The following SHF variants were observed in gnomAD, a reference collection of about 807,000 sequenced individuals.
SHF encodes the protein Src homology 2 domain containing F, also known as SH2 domain-containing adapter protein F.
SHF carries 30 observed loss-of-function variants against 42.4 expected under a neutral mutation model. The ratio of observed to expected loss-of-function variants is 0.71; its 90% CI spans 0.53 to 0.96. SHF has a LOEUF of 0.96. Ranked by LOEUF, SHF falls within the 40% of genes least tolerant of loss-of-function variation. The pLI is 0.00. For synonymous variants in SHF, 264 were observed against 269.9 expected, an observed-to-expected ratio of 0.98 and a Z score of 0.21; for missense variants, 598 against 634.0, an observed-to-expected ratio of 0.94 and a Z score of 0.61.
chr15:45,193,563 T>A (rs1372116140), intron 2 of SHF, among the ~76,000 whole-genome samples: 1 of 152,210 alleles, frequency 6.6e-6, no homozygotes, highest in Non-Finnish European at 1.5e-5. Flanking sequence ...CAATCAGATA[T>A]GCATTTGTCT....
Position 45,172,076 on chromosome 15 carries a change from C to A in SHF, c.1160+71G>T, listed in dbSNP as rs1183056597. 3.1e-6 allele frequency: 5 copies of A among 1,613,722 alleles called. No individual in the cohort carries two copies. The Admixed American group carries it at 8.3e-5, about 27-fold the overall frequency. On this transcript the variant is annotated intron_variant, in intron 5 of 6. Transcript: ENST00000690270. ...GTCCAGGCCCACCCATTGTGGGTGT[C>A]CCCTGTAGGGAAGCCAGTGCCAGGA... is the stretch of plus-strand genomic sequence containing the variant.
intron 3 of SHF, 86 bp downstream of exon 3, chr15:45,175,132 GT>G (rs1897730418): frequency 9.9e-6 from 14 of 1,408,820 alleles, no homozygotes; most frequent in Non-Finnish European, 1.2e-5. Flanking sequence ...GCCTCTCTGG[GT>G]TCCTGGGGTC....
intron 6 of SHF, chr15:45,170,366 C>G: frequency 4.7e-6 from 6 of 1,286,714 alleles, no homozygotes; most frequent in Non-Finnish European, 6.1e-6. Flanking sequence ...GCTCCATGAA[C>G]TTTATAATTT....
chr15:45,174,149 T>G (rs1897670032), intron 3 of SHF: 1 of 196,136 alleles, frequency 5.1e-6, no homozygotes, highest in South Asian at 8.4e-5. Context: ...CCCCACAGCC[T>G]GGGAACTCGC....
At chr15:45,200,909 G>T (rs566967793) in exon 1 of SHF, 1 of 453,910 alleles carries the variant, frequency 2.2e-6, no homozygotes, top group South Asian at 1.6e-5. Flanking sequence ...TTGCAGGCCC[G>T]GCCTCATAGG....
chr15:45,199,051 C>A, exon 2 of SHF: 1 of 1,597,806 alleles, frequency 6.3e-7, no homozygotes, highest in Non-Finnish European at 8.5e-7. Flanking sequence ...GGGCGCTCCT[C>A]ACGGGTCCTC....
At position 45,199,176 on chromosome 15, in the gene SHF, C is replaced by T. The variant is rs1179128231; in HGVS notation, c.-46-56G>A. 17 of 1,300,628 alleles carry T rather than the reference C, an allele frequency of 1.3e-5. No individual in the cohort carries two copies. In the East Asian group the frequency reaches 4.1e-4, roughly 31 times the overall value. 80.6% of individuals were successfully genotyped at this position (1,300,628 alleles called of 1,614,324 possible). A position where few individuals can be genotyped will look rare whatever the true frequency, so the allele number is the denominator to read the frequency against. ...CAGCAAACGCATCTCCCCATGTTCC[C>T]AACACCCACTTCCTTCCAGCCTCTC... On this transcript the variant is annotated intron_variant, in intron 1 of 7. Transcript: ENST00000290894.
chr15:45,173,320 T>C (rs1309539888), intron 4 of SHF, among the ~76,000 whole-genome samples: 1 of 152,160 alleles, frequency 6.6e-6, no homozygotes, highest in East Asian at 1.9e-4. Flanking sequence ...AGCAAAGCTC[T>C]CCCCAAAGTG....
rs1255868090 is a variant in SHF at position 45,187,870 on chromosome 15, A to AC, written c.81dup (p.Ser28ValfsTer127). ...CCCGCACCCCCGGCGCCCCGGCGGG[A>AC]CCCCCCCGGGCCGCCCCCAGCGCTC... On this transcript the variant is annotated frameshift_variant, in exon 1 of 7. Coordinates refer to ENST00000690270, the MANE Select transcript of SHF (RefSeq NM_001394037.1). LOFTEE classifies it high-confidence loss of function. 1.2e-5 allele frequency: 14 copies of AC among 1,135,848 alleles called. No individual in the cohort carries two copies. Among genetic ancestry groups the AC allele is most frequent in the Admixed American group, 4.6e-5 (1 of 21,600 alleles). The allele number at this position is 1,135,848 out of a possible 1,614,324, so 70.4% of individuals were successfully genotyped here. A position where few individuals can be genotyped will look rare whatever the true frequency, so the allele number is the denominator to read the frequency against.
At chr15:45,185,672 A>G (rs1898356055) in intron 1 of SHF, among the ~76,000 whole-genome samples, 1 of 152,212 alleles carries the variant, frequency 6.6e-6, no homozygotes, top group African/African-American at 2.4e-5. Flanking sequence ...CAGCACACAG[A>G]TCACAGAGCT....
chr15:45,170,779 G>A (rs1457365076), intron 6 of SHF: 1 of 229,614 alleles, frequency 4.4e-6, no homozygotes, highest in Admixed American at 5.4e-5. Context: ...AGCCTCCCGA[G>A]TAGCTGGCAT....
At chr15:45,182,698 A>G (rs1266358732) in intron 1 of SHF, among the ~76,000 whole-genome samples, 1 of 152,210 alleles carries the variant, frequency 6.6e-6, no homozygotes, top group Non-Finnish European at 1.5e-5. Context: ...AAATCAGTCT[A>G]CTTTTGTTTA....
chr15:45,198,511 G>A lies in SHF; in HGVS notation c.303+261C>T, dbSNP rs1410676725. 2.6e-5 allele frequency: 11 copies of A among 426,662 alleles called. No individual in the cohort carries two copies. In the Admixed American group the frequency reaches 4.0e-4, roughly 15 times the overall value. The allele number at this position is 426,662 out of a possible 1,614,324, so 26.4% of individuals were successfully genotyped here. ...TCAGTTTTCAAAGGAGAGAAACGTT[G>A]GTTCGTTTCAAGAAAGTGAATTACG... On this transcript the variant is annotated intron_variant, in intron 2 of 7. Coordinates refer to the SHF transcript ENST00000290894.
At chr15:45,200,380 C>T (rs917846452) in intron 1 of SHF, 4 of 207,244 alleles carry the variant, frequency 1.9e-5, no homozygotes, top group South Asian at 7.7e-5. Flanking sequence ...TACAATAAAA[C>T]AAACTCCCCT....
At chr15:45,172,453 A>AT in intron 4 of SHF, 135 bp from the exon 5 acceptor site, 1 of 1,027,278 alleles carries the variant, frequency 9.7e-7, no homozygotes, top group Non-Finnish European at 1.4e-6. Flanking sequence ...AGGGCAGCCC[A>AT]TGCTGAAGGG....
In SHF at chr15:45,187,370, G is replaced by C. The variant is rs1394960356; in HGVS notation, c.498+84C>G. The C allele has an allele frequency of 1.0e-5, 12 of 1,201,368 alleles. No individual in the cohort carries two copies. In the East Asian group the frequency reaches 3.8e-4, roughly 38 times the overall value. 74.4% of individuals were successfully genotyped at this position (1,201,368 alleles called of 1,614,324 possible). On this transcript the variant is annotated intron_variant, in intron 1 of 6. Transcript: ENST00000690270. ...GAAGCTGAGACACCGAGGGGCCCGGGCCAGGCCACCTTTGTCCCTCTCGCA... is the reference window on the plus strand; with the variant it reads ...GAAGCTGAGACACCGAGGGGCCCGGCCCAGGCCACCTTTGTCCCTCTCGCA...
Position 45,175,416 on chromosome 15 carries a change from C to A in SHF, c.650G>T (p.Gly217Val), listed in dbSNP as rs987298825. ...GGGCTGAGTTGCTGTCTCCTTGGAGCCCCGGATCTCTGCCGGAGCAGGGCA... is the reference window on the plus strand; with the variant it reads ...GGGCTGAGTTGCTGTCTCCTTGGAGACCCGGATCTCTGCCGGAGCAGGGCA... ...EAQKMMAEIR[G>V]SKETATQPLP... Residue 217 changes from glycine to valine, a missense_variant, in exon 3 of 7, where the codon GGC becomes GTC. Gly to Val is a moderately radical substitution (Grantham distance 109). This residue lies in a region of SHF where 439 missense variants were observed against 524.6 expected (regional missense o/e 0.84). Coordinates refer to ENST00000690270, the MANE Select transcript of SHF (RefSeq NM_001394037.1). 1.0e-5 allele frequency: 16 copies of A among 1,581,600 alleles called. No homozygotes were observed. The highest frequency in any genetic ancestry group is 1.3e-5 in the Non-Finnish European group (15 of 1,163,532).
Position 45,175,351 on chromosome 15 carries a change from C to T in SHF, c.715G>A (p.Gly239Arg), listed in dbSNP as rs1897744736. The stretch of plus-strand genomic sequence containing the variant: ...GCCCCCTCACCTTCCGCGGTGGCCC[C>T]ATCCTCCTCTGGCTCATAGGGTGTG... ...YDTPYEPEED[G>R]ATAEGEGAPW... The change falls in exon 3 of 7, where the codon GGG becomes AGG. Residue 239 changes from glycine to arginine, a missense_variant. Gly to Arg is a moderately radical substitution (Grantham distance 125, BLOSUM62 -2). Coordinates refer to ENST00000690270, the MANE Select transcript of SHF (RefSeq NM_001394037.1). 1 of 1,598,664 alleles carries T rather than the reference C, an allele frequency of 6.3e-7. No individual in the cohort carries two copies. The highest frequency in any genetic ancestry group is 8.5e-7 in the Non-Finnish European group (1 of 1,172,592).
At chr15:45,198,609 C>G in intron 2 of SHF, 2 of 783,496 alleles carry the variant, frequency 2.6e-6, no homozygotes, top group East Asian at 2.7e-5. Context: ...CCCACAATGC[C>G]GTGACTCGGA....
Sources: allele counts gnomAD v4.1 joint callset (sites outside exome capture counted in the v4.1 genomes callset), GRCh38; gene constraint gnomAD v4.1.1; regional missense constraint gnomAD v4.1.1; transcripts MANE v1.5; gene names NCBI Gene and HGNC (gene_info 2026-07-23, HGNC 2026-07-21).